The following SLC1A7 variants were observed in gnomAD, a reference collection of about 807,000 sequenced individuals.
SLC1A7 encodes excitatory amino acid transporter 5.
In SLC1A7, 40 loss-of-function variants were observed where a neutral mutation model predicts 47.7. That is an observed-to-expected ratio of 0.84 (90% CI 0.65 to 1.09). The LOEUF (loss-of-function observed/expected upper bound fraction) is 1.09. Among genes scored for constraint, SLC1A7 ranks in the 50% least tolerant of loss-of-function variants. SLC1A7 has a pLI of 0.00. For missense variants in SLC1A7, 746 were observed against 769.5 expected, an observed-to-expected ratio of 0.97 and a Z score of 0.36; for synonymous variants, 323 against 325.6, an observed-to-expected ratio of 0.99 and a Z score of 0.09.
At chr1:53,105,827 C>T in intron 3 of SLC1A7, 53 bp from the exon 4 acceptor site, 1 of 1,523,946 alleles carries the variant, frequency 6.6e-7, no homozygotes, top group Non-Finnish European at 9.1e-7. Flanking sequence ...CAGGAGGGCC[C>T]TGGGGGTTGT....
intron 4 of SLC1A7, 124 bp downstream of exon 4, chr1:53,105,608 A>G (rs1572319938): frequency 2.5e-6 from 2 of 811,810 alleles, no homozygotes; most frequent in East Asian, 2.5e-5. Context: ...CTAGCATCCC[A>G]CCTCCAGCAG....
intron 2 of SLC1A7, among the ~76,000 whole-genome samples, chr1:53,124,251 C>T (rs55678705): frequency 0.98 from 148,089 of 151,606 alleles, 72,385 homozygotes; most frequent in Middle Eastern, 1. Flanking sequence ...ACATACACAA[C>T]ACACACACAC....
intron 4 of SLC1A7, 175 bp from the exon 5 acceptor site, chr1:53,103,743 A>C: frequency 1.9e-6 from 1 of 526,560 alleles, no homozygotes; most frequent in South Asian, 2.9e-5. Flanking sequence ...TTACCCAAAG[A>C]AAGCTGCAAC....
intron 5 of SLC1A7, among the ~76,000 whole-genome samples, chr1:53,100,110 GAC>G (rs1644554927): frequency 1.3e-5 from 2 of 148,208 alleles, no homozygotes; most frequent in South Asian, 4.3e-4. Context: ...ACACCACCTC[GAC>G]ACACTCATAC....
chr1:53,139,863 A>T (rs1645038980), intron 1 of SLC1A7, among the ~76,000 whole-genome samples: 1 of 152,190 alleles, frequency 6.6e-6, no homozygotes, highest in Admixed American at 6.5e-5. Context: ...GAAGGAGGGA[A>T]AAAAATGGAT....
chr1:53,115,544 G>A (rs1488111113), intron 2 of SLC1A7: 1 of 157,730 alleles, frequency 6.3e-6, no homozygotes, highest in Non-Finnish European at 1.4e-5. Flanking sequence ...CGGCACCGCA[G>A]GCGGTTCCTG....
At chr1:53,120,704 G>A (rs748722196) in intron 2 of SLC1A7, among the ~76,000 whole-genome samples, 1 of 152,236 alleles carries the variant, frequency 6.6e-6, no homozygotes, top group Non-Finnish European at 1.5e-5. Context: ...TTCCCAGTTT[G>A]TTACGGAGCA....
chr1:53,093,291 G>C (rs1290547712), intron 6 of SLC1A7, among the ~76,000 whole-genome samples, 170 bp downstream of exon 6: 2 of 152,170 alleles, frequency 1.3e-5, no homozygotes, highest in East Asian at 3.9e-4. Flanking sequence ...AGCCAGGCCT[G>C]GCTGGGGCTG....
chr1:53,097,128 C>T (rs950148367), intron 5 of SLC1A7, among the ~76,000 whole-genome samples: 5 of 149,998 alleles, frequency 3.3e-5, no homozygotes, highest in African/African-American at 1.2e-4. Context: ...CCTCAGTACA[C>T]CTACACGCCC....
rs1302207279 is a variant in SLC1A7, at chr1:53,093,485, A to G, written c.773T>C (p.Met258Thr). 6.2e-7 allele frequency: 1 copy of G among 1,611,276 alleles called. No homozygotes were observed. The highest frequency in any genetic ancestry group is 1.1e-5 in the South Asian group (1 of 90,662). Residue 258 changes from methionine to threonine, a missense_variant, in exon 6 of 11, where the codon ATG becomes ACG. By Grantham distance (81) the Met-to-Thr change is moderately conservative (BLOSUM62 -1). Transcript: ENST00000371494. ...CCACACAGCCACCGCCACGATCTTC[A>G]TGACCGACTCATTGAGGCACTGGCA... ...SFCQCLNESV[M>T]KIVAVAVWYF...
intron 3 of SLC1A7, among the ~76,000 whole-genome samples, chr1:53,106,392 C>T (rs1644640897): frequency 6.6e-6 from 1 of 151,420 alleles, no homozygotes; most frequent in Non-Finnish European, 1.5e-5. Context: ...CCAAGGCGGG[C>T]GGATCACGAG....
At chr1:53,088,619 G>A (rs965551041) in intron 10 of SLC1A7, among the ~76,000 whole-genome samples, 5 of 152,180 alleles carry the variant, frequency 3.3e-5, no homozygotes, top group Non-Finnish European at 5.9e-5. Flanking sequence ...AGACCATCCC[G>A]ACACGAGGGC....
At chr1:53,093,831 G>A (rs12031385) in intron 5 of SLC1A7, among the ~76,000 whole-genome samples, 10,264 of 152,206 alleles carry the variant, frequency 0.067, 725 homozygotes, top group East Asian at 0.24. Flanking sequence ...TTCGCTGTGC[G>A]CTTAGGCCAT....
At chr1:53,134,307 A>C (rs760807354) in intron 2 of SLC1A7, 43 bp downstream of exon 2, 5 of 1,446,292 alleles carry the variant, frequency 3.5e-6, no homozygotes, top group Non-Finnish European at 4.8e-6. Flanking sequence ...GCCATCCTCT[A>C]CCCTCCTGGT....
chr1:53,140,877 C>T (rs954085660), intron 1 of SLC1A7, among the ~76,000 whole-genome samples: 15 of 152,144 alleles, frequency 9.9e-5, no homozygotes, highest in Non-Finnish European at 1.9e-4. Flanking sequence ...AATAACTGCT[C>T]GAGGCTTAAC....
At chr1:53,106,719 A>G (rs547822249) in intron 3 of SLC1A7, among the ~76,000 whole-genome samples, 169 of 152,360 alleles carry the variant, frequency 1.1e-3, no homozygotes, top group Non-Finnish European at 1.5e-3. Context: ...GTACTTGATA[A>G]AAGTTGTTTC....
At chr1:53,099,808 C>A (rs1371504426) in intron 5 of SLC1A7, among the ~76,000 whole-genome samples, 1 of 151,766 alleles carries the variant, frequency 6.6e-6, no homozygotes, top group Admixed American at 6.6e-5. Context: ...TACACTTACA[C>A]ACCCCACCTT....
rs1466885791 is a variant in SLC1A7, at chr1:53,114,753, G to A, written c.431+5C>T. On this transcript the variant is annotated splice_donor_5th_base_variant and intron_variant, in intron 3 of 10. Transcript: ENST00000371494. ...CCCAAGCGGGGTGTGGGTGGCAATA[G>A]TTACCGGATGAGGTCCAACAGGGCA... 3 of 1,612,750 alleles carry A rather than the reference G, an allele frequency of 1.9e-6. No individual in the cohort carries two copies. Among genetic ancestry groups the A allele is most frequent in the African/African-American group, 2.7e-5 (2 of 75,044 alleles).
At chr1:53,117,008 C>T (rs757401511) in intron 2 of SLC1A7, among the ~76,000 whole-genome samples, 1 of 152,218 alleles carries the variant, frequency 6.6e-6, no homozygotes, top group Admixed American at 6.5e-5. Flanking sequence ...GTGGGAGCAT[C>T]AGAACCGCAA....
Sources: gnomAD v4.1 joint callset for allele counts (sites outside exome capture counted in the v4.1 genomes callset) on GRCh38, gnomAD v4.1.1 for gene constraint, MANE v1.5 for transcripts, NCBI Gene and HGNC (gene_info 2026-07-23, HGNC 2026-07-21) for gene names.